Variants in UBE4B observed in about 807,000 individuals in gnomAD.
UBE4B encodes ubiquitin conjugation factor E4 B.
UBE4B carries 27 observed loss-of-function variants against 148.1 expected under a neutral mutation model. The ratio of observed to expected loss-of-function variants is 0.18; its 90% CI spans 0.13 to 0.25. The LOEUF is 0.25. UBE4B is among the 10% of genes least tolerant of loss of function. The pLI is 1.00. For missense variants in UBE4B, 1,170 were observed against 1,662.4 expected, an observed-to-expected ratio of 0.70 and a Z score of 5.15; for synonymous variants, 596 against 619.3, an observed-to-expected ratio of 0.96 and a Z score of 0.56.
In UBE4B at chr1:10,161,126, A is replaced by G; in HGVS notation, c.3054-16A>G. Reference sequence around the variant, plus strand: ...AGGGAGATGTATGACCATGTACAATATAATTGCCTTTCCAGCTCCGGGAAG... The same window carrying G: ...AGGGAGATGTATGACCATGTACAATGTAATTGCCTTTCCAGCTCCGGGAAG... On this transcript the variant is annotated splice_polypyrimidine_tract_variant and intron_variant, in intron 22 of 27. Coordinates refer to ENST00000343090, the MANE Select transcript of UBE4B (RefSeq NM_001105562.3). This position sits in a 1 kb window ranked among gnomAD's most constrained non-coding sequence, Gnocchi z 4.1. 3.1e-6 allele frequency: 5 copies of G among 1,613,636 alleles called. No individual in the cohort carries two copies. Among genetic ancestry groups the G allele is most frequent in the South Asian group, 1.1e-5 (1 of 91,040 alleles).
rs562954810 is a variant in UBE4B, at chr1:10,055,796, C to T, written c.25-16232C>T. On this transcript the variant is annotated intron_variant, in intron 1 of 27. Coordinates refer to ENST00000343090, the MANE Select transcript of UBE4B (RefSeq NM_001105562.3). ...TTAGCTGGGTGTGGTAGCACGTGCC[C>T]GTAGTCCCAGCTACTTGGGAGGCTG... 1.2e-3 allele frequency among the ~76,000 whole-genome samples: 178 copies of T among 152,006 alleles called. 4 individuals are homozygous for T. In the South Asian group the frequency reaches 0.026, roughly 22 times the overall value.
chr1:10,160,205 A>C (rs897856118), intron 22 of UBE4B, among the ~76,000 whole-genome samples: 2 of 152,220 alleles, frequency 1.3e-5, no homozygotes, highest in African/African-American at 4.8e-5. Flanking sequence ...CTTAGATTGG[A>C]GGCTTCCAGT....
chr1:10,098,310 TATA>T (rs1322205376), intron 3 of UBE4B, among the ~76,000 whole-genome samples: 1 of 152,192 alleles, frequency 6.6e-6, no homozygotes, highest in East Asian at 1.9e-4. Flanking sequence ...AGAAAATCCT[TATA>T]ATGTTGGTAG....
intron 1 of UBE4B, among the ~76,000 whole-genome samples, chr1:10,043,876 G>A (rs891210310): frequency 6.6e-6 from 1 of 152,094 alleles, no homozygotes; most frequent in Non-Finnish European, 1.5e-5. Flanking sequence ...AAAATTAGTT[G>A]CCATTTTAAA....
intron 2 of UBE4B, among the ~76,000 whole-genome samples, chr1:10,084,029 C>T (rs1339851519): frequency 6.6e-6 from 1 of 152,134 alleles, no homozygotes; most frequent in Non-Finnish European, 1.5e-5. Flanking sequence ...CCCCCACCCC[C>T]TGCCCCATTT....
intron 7 of UBE4B, among the ~76,000 whole-genome samples, chr1:10,108,480 G>A (rs1176216591): frequency 1.3e-5 from 2 of 152,140 alleles, no homozygotes; most frequent in African/African-American, 4.8e-5. Flanking sequence ...TTGAGCAAGA[G>A]AATATAATAG....
At position 10,033,535 on chromosome 1, in the gene UBE4B, A is replaced by G. The variant is rs1310230006; in HGVS notation, c.-136A>G. The G allele has an allele frequency of 9.3e-7, 1 of 1,075,750 alleles. No homozygotes were observed. The highest frequency in any genetic ancestry group is 1.3e-6 in the Non-Finnish European group (1 of 791,074). The allele number at this position is 1,075,750 out of a possible 1,614,324, so 66.6% of individuals were successfully genotyped here. A position where few individuals can be genotyped will look rare whatever the true frequency, so the allele number is the denominator to read the frequency against. On this transcript the variant is annotated 5_prime_UTR_variant, in exon 1 of 28. Transcript: ENST00000343090. ...TCGTGTTCTTATTTTTTAACCTCTG[A>G]CTATGCAATTCTGAAACCTCCCCCA...
rs746615932 is a variant in UBE4B, at chr1:10,117,498, C to T, written c.1236C>T (p.Tyr412=). The change falls in exon 8 of 28, where the codon TAC becomes TAT. Residue 412 remains tyrosine, a synonymous_variant. Coordinates refer to ENST00000343090, the MANE Select transcript of UBE4B (RefSeq NM_001105562.3). ...ASGGASNWDS[Y]SDHFTIETCK... ...GTGGAGCAAGTAATTGGGATTCCTA[C>T]AGTGACCATTTCACCATTGAAACCT... is the stretch of plus-strand genomic sequence containing the variant. The T allele has an allele frequency of 6.2e-7, 1 of 1,612,846 alleles. No individual in the cohort carries two copies. The highest frequency in any genetic ancestry group is 8.5e-7 in the Non-Finnish European group (1 of 1,179,758).
In UBE4B at chr1:10,119,625, C is replaced by G; in HGVS notation, c.1439+12C>G. On this transcript the variant is annotated intron_variant, in intron 9 of 27. Coordinates refer to ENST00000343090, the MANE Select transcript of UBE4B (RefSeq NM_001105562.3). Reference sequence around the variant, plus strand: ...CTAACACAGCCCAGGTATGAAGACCCGTGACGTGCTTGACATTAGCAGGCA... The same window carrying G: ...CTAACACAGCCCAGGTATGAAGACCGGTGACGTGCTTGACATTAGCAGGCA... The G allele has an allele frequency of 6.2e-7, 1 of 1,609,424 alleles. No individual in the cohort carries two copies. The highest frequency in any genetic ancestry group is 8.5e-7 in the Non-Finnish European group (1 of 1,176,696).
chr1:10,181,049 T>TA lies in UBE4B; in HGVS notation c.*1094dup. On this transcript the variant is annotated 3_prime_UTR_variant, in exon 28 of 28. Coordinates refer to ENST00000343090, the MANE Select transcript of UBE4B (RefSeq NM_001105562.3). ...TTGTATTACTGCTCCCTACTTAACA[T>TA]ACTTGAATTCTCAAATTTCCTTTGG... 1 of 149,344 alleles carries TA rather than the reference T, an allele frequency of 6.7e-6. No homozygotes were observed. The highest frequency in any genetic ancestry group is 3.4e-3 in the Middle Eastern group (1 of 292). 9.3% of individuals were successfully genotyped at this position (149,344 alleles called of 1,614,324 possible).
Position 10,106,380 on chromosome 1 carries a change from C to G in UBE4B, c.993C>G (p.Arg331=). The G allele has an allele frequency of 3.7e-6, 6 of 1,613,680 alleles. No individual in the cohort carries two copies. The highest frequency in any genetic ancestry group is 4.2e-6 in the Non-Finnish European group (5 of 1,179,702). The part of the protein sequence containing the change: ...AGSQPSSPRY[R]PYTVTHPWAS... Reference sequence around the variant, plus strand: ...GCCAGCCTTCATCCCCGCGGTATCGCCCCTACACTGTCACTCACCCATGGG... The same window carrying G: ...GCCAGCCTTCATCCCCGCGGTATCGGCCCTACACTGTCACTCACCCATGGG... The change falls in exon 7 of 28, where the codon CGC becomes CGG. Residue 331 remains arginine (R), a synonymous_variant. Coordinates refer to ENST00000343090, the MANE Select transcript of UBE4B (RefSeq NM_001105562.3). The surrounding 1 kb of genome is among the most constrained non-coding windows in gnomAD (Gnocchi z 4.2).
At position 10,155,489 on chromosome 1, in the gene UBE4B, C is replaced by T. The variant is rs77723220; in HGVS notation, c.2927-2867C>T. ...GCAGATGCCCTTTAGCACAGGTCCC[C>T]CTGGCTACTGTGCTGGTCTTCCTAC... On this transcript the variant is annotated intron_variant, in intron 21 of 27. Transcript: ENST00000343090. Among the ~76,000 whole-genome samples, 4 of 152,284 alleles carry T rather than the reference C, an allele frequency of 2.6e-5. No individual in the cohort carries two copies. In the East Asian group the frequency reaches 7.7e-4, roughly 29 times the overall value.
intron 2 of UBE4B, among the ~76,000 whole-genome samples, chr1:10,087,327 G>A (rs1644781830): frequency 6.6e-6 from 1 of 152,124 alleles, no homozygotes; most frequent in Admixed American, 6.6e-5. Context: ...AACTTTCAAT[G>A]TACAGAAAAG....
In UBE4B at chr1:10,137,064, T is replaced by C. The variant is rs1462489897; in HGVS notation, c.2225-3T>C. 6.2e-7 allele frequency: 1 copy of C among 1,614,180 alleles called. No individual in the cohort carries two copies. Among genetic ancestry groups the C allele is most frequent in the Non-Finnish European group, 8.5e-7 (1 of 1,180,000 alleles). ...ATTTAGGGAATGATGTTATTTTTCC[T>C]AGATGGCGATCAGCCTCCATTTTCT... On this transcript the variant is annotated splice_polypyrimidine_tract_variant and splice_region_variant and intron_variant, in intron 16 of 27. Transcript: ENST00000343090.
intron 21 of UBE4B, among the ~76,000 whole-genome samples, chr1:10,155,460 C>T (rs1041618080): frequency 6.6e-6 from 1 of 152,134 alleles, no homozygotes; most frequent in African/African-American, 2.4e-5. Flanking sequence ...GTGGCAGCAA[C>T]CTCGCAGATG....
Position 10,161,440 on chromosome 1 carries a change from T to C in UBE4B, c.3198+154T>C, listed in dbSNP as rs762793363. Among the ~76,000 whole-genome samples the C allele has an allele frequency of 1.6e-4, 25 of 152,200 alleles. No individual in the cohort carries two copies. The highest frequency in any genetic ancestry group is 1.3e-4 in the Admixed American group (2 of 15,274). On this transcript the variant is annotated intron_variant, in intron 23 of 27. Transcript: ENST00000343090. This position sits in a 1 kb window ranked among gnomAD's most constrained non-coding sequence, Gnocchi z 4.1. Reference sequence around the variant, plus strand: ...ATGAAATCATATTGCAGGATTGGAATAGGAAAATTCTTAAATACCTTATCT... The same window carrying C: ...ATGAAATCATATTGCAGGATTGGAACAGGAAAATTCTTAAATACCTTATCT...
intron 25 of UBE4B, among the ~76,000 whole-genome samples, chr1:10,175,583 G>A (rs991586670): frequency 1.3e-5 from 2 of 151,906 alleles, no homozygotes; most frequent in East Asian, 1.9e-4. Context: ...CCTGGGAGGT[G>A]GAGCTTGCAG....
At position 10,101,180 on chromosome 1, in the gene UBE4B, G is replaced by C; in HGVS notation, c.420G>C (p.Arg140=). The change falls in exon 4 of 28, where the codon CGG becomes CGC. Residue 140 remains arginine (R), a synonymous_variant. Coordinates refer to ENST00000343090, the MANE Select transcript of UBE4B (RefSeq NM_001105562.3). ...EVDENDRREK[R]SLSDKEPSSG... is the part of the protein sequence containing the mutation. Reference sequence around the variant, plus strand: ...ATGAAAATGATCGAAGAGAAAAGCGGAGCCTCAGTGATAAGGTTGGTAAGC... The same window carrying C: ...ATGAAAATGATCGAAGAGAAAAGCGCAGCCTCAGTGATAAGGTTGGTAAGC... 2 of 1,614,122 alleles carry C rather than the reference G, an allele frequency of 1.2e-6. No homozygotes were observed. The highest frequency in any genetic ancestry group is 1.7e-6 in the Non-Finnish European group (2 of 1,180,004).
intron 9 of UBE4B, among the ~76,000 whole-genome samples, chr1:10,120,466 C>T (rs1645391908): frequency 6.6e-6 from 1 of 151,566 alleles, no homozygotes; most frequent in Non-Finnish European, 1.5e-5. Flanking sequence ...GAGGTTGCAG[C>T]CGAGATCGTG....
Sources: gnomAD v4.1 joint callset for allele counts (sites outside exome capture counted in the v4.1 genomes callset) on GRCh38, gnomAD v4.1.1 for gene constraint, Gnocchi (gnomAD v3.1) non-coding constraint, MANE v1.5 for transcripts, NCBI Gene and HGNC (gene_info 2026-07-23, HGNC 2026-07-21) for gene names.